The following GRIA4 variants were observed in gnomAD, a reference collection of about 807,000 sequenced individuals.
The protein encoded by GRIA4 is glutamate ionotropic receptor AMPA type subunit 4, also known as glutamate receptor 4.
Under a neutral mutation model 104.0 loss-of-function variants are expected in GRIA4, and 34 were observed. The ratio of observed to expected loss-of-function variants is 0.33; its 90% confidence interval spans 0.25 to 0.44. GRIA4 has a LOEUF of 0.44. Among genes scored for constraint, GRIA4 ranks in the 20% least tolerant of loss-of-function variants. GRIA4 has a pLI of 1.00. For missense variants in GRIA4, 750 were observed against 1,096.5 expected (o/e 0.68, Z 4.46); for synonymous variants, 386 against 381.9 (o/e 1.01, Z -0.13).
intron 4 of GRIA4, among the ~76,000 whole-genome samples, chr11:105,791,001 A>G (rs997575800): frequency 1.5e-4 from 23 of 152,288 alleles, no homozygotes; most frequent in African/African-American, 5.1e-4. Context: ...AGCAGATCCA[A>G]TGGCCTCTCT....
intron 3 of GRIA4, among the ~76,000 whole-genome samples, chr11:105,651,141 A>T (rs1365979590): frequency 2.0e-5 from 3 of 152,188 alleles, no homozygotes; most frequent in Non-Finnish European, 2.9e-5. Context: ...AACTTTGGTA[A>T]AATAAAACTT....
At chr11:105,905,136 A>G in intron 8 of GRIA4, 61 bp from the exon 9 acceptor site, 1 of 871,754 alleles carries the variant, frequency 1.1e-6, no homozygotes, top group East Asian at 2.4e-5. Flanking sequence ...CCAGCAGATG[A>G]AGTTAAAATT....
intron 3 of GRIA4, among the ~76,000 whole-genome samples, chr11:105,691,584 G>T (rs1040520429): frequency 6.6e-6 from 1 of 152,104 alleles, no homozygotes; most frequent in Admixed American, 6.6e-5. Flanking sequence ...AGATTATTTT[G>T]ATGAGTAAAT....
At chr11:105,953,215 T>C (rs1948499444) in intron 14 of GRIA4, among the ~76,000 whole-genome samples, 1 of 152,240 alleles carries the variant, frequency 6.6e-6, no homozygotes, top group South Asian at 2.1e-4. Context: ...TAGACATATT[T>C]AGTTCTTCAC....
At chr11:105,753,413 C>T (rs1031685278) in intron 4 of GRIA4, among the ~76,000 whole-genome samples, 193 bp downstream of exon 4, 1 of 152,128 alleles carries the variant, frequency 6.6e-6, no homozygotes, top group African/African-American at 2.4e-5. Flanking sequence ...CAAGGTTACT[C>T]CTGAGCAAAC....
chr11:105,910,327 G>A lies in GRIA4; in HGVS notation c.1159-108G>A, dbSNP rs1947191528. 1.2e-5 allele frequency: 7 copies of A among 600,446 alleles called. No individual in the cohort carries two copies. In the Admixed American group the frequency reaches 2.0e-4, roughly 17 times the overall value. The allele number at this position is 600,446 out of a possible 1,614,324, so 37.2% of individuals were successfully genotyped here. ...TTTTCTGTTGGCTTTTGTTTTGTTT[G>A]CTTACATTTGTTTTGTTTGCTTACC... On this transcript the variant is annotated intron_variant, in intron 9 of 16. Coordinates refer to ENST00000282499, the MANE Select transcript of GRIA4 (RefSeq NM_000829.4).
At chr11:105,634,449 GAGAA>G (rs34977277) in intron 3 of GRIA4, among the ~76,000 whole-genome samples, 82,831 of 129,882 alleles carry the variant, frequency 0.64, 28,393 homozygotes, top group Non-Finnish European at 0.76. Context: ...AGGAAGGAAG[GAGAA>G]AGAAAGAAAG....
intron 4 of GRIA4, among the ~76,000 whole-genome samples, chr11:105,806,929 T>C (rs960727002): frequency 1.3e-5 from 2 of 151,780 alleles, no homozygotes; most frequent in African/African-American, 4.8e-5. Flanking sequence ...TGACAAAATA[T>C]TTTAGAAAAC....
At chr11:105,744,890 G>A (rs975097814) in intron 3 of GRIA4, among the ~76,000 whole-genome samples, 1 of 152,076 alleles carries the variant, frequency 6.6e-6, no homozygotes, top group Non-Finnish European at 1.5e-5. Context: ...CTTTCTTATA[G>A]TGCTTCTAGT....
intron 4 of GRIA4, among the ~76,000 whole-genome samples, chr11:105,788,781 G>A (rs932636855): frequency 6.6e-6 from 1 of 152,098 alleles, no homozygotes; most frequent in Admixed American, 6.6e-5. Flanking sequence ...GAAAAGAAAA[G>A]AAAAGGCTTT....
intron 14 of GRIA4, among the ~76,000 whole-genome samples, chr11:105,963,546 T>G (rs1009924093): frequency 5.3e-5 from 8 of 152,136 alleles, no homozygotes; most frequent in African/African-American, 1.9e-4. Context: ...TTAAGTGGAC[T>G]CTATTGAGGG....
At chr11:105,947,545 T>C (rs1406455333) in intron 14 of GRIA4, among the ~76,000 whole-genome samples, 1 of 152,188 alleles carries the variant, frequency 6.6e-6, no homozygotes, top group Non-Finnish European at 1.5e-5. Context: ...CTTAGCTCTT[T>C]TGGATAACAG....
chr11:105,849,124 G>A (rs548875113), intron 4 of GRIA4, among the ~76,000 whole-genome samples: 309 of 152,160 alleles, frequency 2.0e-3, no homozygotes, highest in African/African-American at 7.1e-3. Flanking sequence ...CCTGGGAGTC[G>A]GAGGTTGCAG....
At chr11:105,857,274 G>A (rs1257454817) in intron 4 of GRIA4, among the ~76,000 whole-genome samples, 1 of 152,052 alleles carries the variant, frequency 6.6e-6, no homozygotes, top group African/African-American at 2.4e-5. Flanking sequence ...ATCAATAAGT[G>A]GCGTTAGACA....
intron 3 of GRIA4, among the ~76,000 whole-genome samples, chr11:105,704,210 G>C (rs1953610501): frequency 6.6e-6 from 1 of 151,976 alleles, no homozygotes; most frequent in Non-Finnish European, 1.5e-5. Context: ...CTTAATTTCA[G>C]TTGTGGGAAG....
intron 7 of GRIA4, among the ~76,000 whole-genome samples, chr11:105,899,969 G>T (rs549476096): frequency 6.6e-6 from 1 of 152,184 alleles, no homozygotes; most frequent in African/African-American, 2.4e-5. Flanking sequence ...GAAATCATCA[G>T]CAAAAAGCAC....
chr11:105,701,237 T>A (rs1953478074), intron 3 of GRIA4, among the ~76,000 whole-genome samples: 1 of 152,212 alleles, frequency 6.6e-6, no homozygotes. Context: ...TTTGCTTTTT[T>A]AACCGCTAGC....
At chr11:105,710,055 T>A (rs1457967119) in intron 3 of GRIA4, among the ~76,000 whole-genome samples, 1 of 152,170 alleles carries the variant, frequency 6.6e-6, no homozygotes, top group African/African-American at 2.4e-5. Flanking sequence ...CCCAAGCATG[T>A]AGCATATCCT....
intron 4 of GRIA4, among the ~76,000 whole-genome samples, chr11:105,846,594 A>G (rs1234640754): frequency 2.0e-5 from 3 of 152,170 alleles, no homozygotes; most frequent in Non-Finnish European, 4.4e-5. Context: ...AACAACTTGC[A>G]AAAACAAGGG....
Sources: gnomAD v4.1 joint callset for allele counts (sites outside exome capture counted in the v4.1 genomes callset) on GRCh38, gnomAD v4.1.1 for gene constraint, MANE v1.5 for transcripts, NCBI Gene and HGNC (gene_info 2026-07-23, HGNC 2026-07-21) for gene names.